Variants in NSMCE1 observed in about 807,000 individuals in gnomAD.
NSMCE1 encodes the protein NSE1 component of SMC5/6 complex, also known as non-structural maintenance of chromosomes element 1 homolog.
In NSMCE1, 18 loss-of-function variants were observed where a neutral mutation model predicts 29.6. The ratio of observed to expected loss-of-function variants is 0.61; its 90% confidence interval spans 0.42 to 0.90. NSMCE1 has a LOEUF of 0.90. Among genes scored for constraint, NSMCE1 ranks in the 40% least tolerant of loss-of-function variants. The pLI, the probability that NSMCE1 is intolerant of heterozygous loss-of-function variation, is 0.00. For missense variants in NSMCE1, 314 were observed against 343.6 expected (o/e 0.91, Z 0.68); for synonymous variants, 124 against 133.4 (o/e 0.93, Z 0.49).
intron 5 of NSMCE1, among the ~76,000 whole-genome samples, chr16:27,229,900 T>C (rs1346348379): frequency 1.3e-5 from 2 of 152,196 alleles, no homozygotes; most frequent in African/African-American, 4.8e-5. Context: ...ACTGAACACC[T>C]GCTATGTGCC....
chr16:27,225,692 AG>A (rs1204330230), intron 7 of NSMCE1, 33 bp downstream of exon 7: 1 of 1,612,612 alleles, frequency 6.2e-7, no homozygotes. Flanking sequence ...CTGCTGGCCC[AG>A]CCCCTCCCAT....
At chr16:27,266,937 G>A (rs1386326660) in intron 1 of NSMCE1, among the ~76,000 whole-genome samples, 1 of 151,886 alleles carries the variant, frequency 6.6e-6, no homozygotes, top group South Asian at 2.1e-4. Flanking sequence ...AAGAAAAAAG[G>A]AGAAAAAAAA....
chr16:27,240,614 A>G (rs1306998417), intron 2 of NSMCE1, among the ~76,000 whole-genome samples: 1 of 152,198 alleles, frequency 6.6e-6, no homozygotes, highest in Non-Finnish European at 1.5e-5. Context: ...TTCCTTTAAC[A>G]GGAAATGCCC....
rs2083776712 is a variant in NSMCE1 at position 27,232,876 on chromosome 16, A to G, written c.483+125T>C. On this transcript the variant is annotated intron_variant, in intron 5 of 7. Transcript: ENST00000361439. The surrounding 1 kb of genome is among the most constrained non-coding windows in gnomAD (Gnocchi z 4.5). Reference sequence around the variant, plus strand: ...CGGGGTCACTGCTGGAATGCATGAAAGCAGATAAGGGATCCGAGAAGGCCG... The same window carrying G: ...CGGGGTCACTGCTGGAATGCATGAAGGCAGATAAGGGATCCGAGAAGGCCG... 1.0e-6 allele frequency: 1 copy of G among 960,414 alleles called. No homozygotes were observed. The highest frequency in any genetic ancestry group is 1.6e-5 in the South Asian group (1 of 63,154). The allele number at this position is 960,414 out of a possible 1,614,324, so 59.5% of individuals were successfully genotyped here.
At chr16:27,263,948 A>ATG (rs898810161) in intron 1 of NSMCE1, among the ~76,000 whole-genome samples, 3 of 152,166 alleles carry the variant, frequency 2.0e-5, no homozygotes, top group African/African-American at 7.2e-5. Flanking sequence ...GGCTTTGTGT[A>ATG]TGTGTGTGTG....
chr16:27,239,468 C>T (rs994582424), intron 2 of NSMCE1, among the ~76,000 whole-genome samples: 5 of 152,142 alleles, frequency 3.3e-5, no homozygotes, highest in African/African-American at 9.7e-5. Flanking sequence ...GAATAAAGTC[C>T]GTATGGTGAG....
At chr16:27,265,406 G>A (rs4523932) in intron 1 of NSMCE1, among the ~76,000 whole-genome samples, 9,605 of 151,938 alleles carry the variant, frequency 0.063, 755 homozygotes, top group African/African-American at 0.19. Flanking sequence ...GGACTCAAGC[G>A]ATCCACCCAC....
Position 27,226,756 on chromosome 16 carries a change from C to T in NSMCE1, c.564G>A (p.Val188=). ...QYIRETYPDA[V]KICNICHSLL... Reference sequence around the variant, plus strand: ...GGCTGTGACAGATATTGCAGATCTTCACCGCGTCGGGGTACGTCTCCCGGA... The same window carrying T: ...GGCTGTGACAGATATTGCAGATCTTTACCGCGTCGGGGTACGTCTCCCGGA... Residue 188 remains valine, a synonymous_variant, in exon 6 of 8, where the codon GTG becomes GTA. Transcript: ENST00000361439. 1 of 1,613,890 alleles carries T rather than the reference C, an allele frequency of 6.2e-7. No individual in the cohort carries two copies. Among genetic ancestry groups the T allele is most frequent in the Non-Finnish European group, 8.5e-7 (1 of 1,179,766 alleles).
chr16:27,237,464 T>TC (rs2140993872), intron 2 of NSMCE1, among the ~76,000 whole-genome samples: 1 of 152,312 alleles, frequency 6.6e-6, no homozygotes, highest in Non-Finnish European at 1.5e-5. Context: ...GCCGAGCTGT[T>TC]CCGTACCTGC....
intron 5 of NSMCE1, among the ~76,000 whole-genome samples, chr16:27,228,891 C>T (rs1231877114): frequency 6.6e-6 from 1 of 151,582 alleles, no homozygotes; most frequent in Admixed American, 6.6e-5. Context: ...CTTCCACCCT[C>T]CCCTACAGAT....
At position 27,251,191 on chromosome 16, in the gene NSMCE1, A is replaced by ATAT. The variant is rs1555477411; in HGVS notation, c.136+6243_136+6244insATA. ...ATATATATATATATATATATATATA[A>ATAT]ATATATATATATATATAAAACTCTG... On this transcript the variant is annotated intron_variant, in intron 2 of 7. Coordinates refer to ENST00000361439, the MANE Select transcript of NSMCE1 (RefSeq NM_145080.4). Among the ~76,000 whole-genome samples, 280 of 32,216 alleles carry ATAT rather than the reference A, an allele frequency of 8.7e-3. 9 individuals are homozygous for ATAT. The highest frequency in any genetic ancestry group is 0.031 in the African/African-American group (198 of 6,350). The allele number at this position is 32,216 out of a possible 152,430, so 21.1% of individuals were successfully genotyped here.
chr16:27,257,529 G>A lies in NSMCE1; in HGVS notation c.42C>T (p.Val14=), dbSNP rs1310779708. 6.2e-7 allele frequency: 1 copy of A among 1,613,972 alleles called. No homozygotes were observed. The highest frequency in any genetic ancestry group is 8.5e-7 in the Non-Finnish European group (1 of 1,179,930). The change falls in exon 2 of 8, where the codon GTC becomes GTT. Residue 14 remains valine (V), a synonymous_variant. Transcript: ENST00000361439. ...STRRMGVMTD[V]HRRFLQLLMT... is the part of the protein sequence containing the mutation. ...TCAGCAACTGGAGGAAGCGCCGGTG[G>A]ACATCAGTCATGACGCCCATTCTCC...
chr16:27,258,028 C>T (rs2084106911), intron 1 of NSMCE1: 1 of 152,534 alleles, frequency 6.6e-6, no homozygotes, highest in Admixed American at 6.5e-5. Flanking sequence ...CTTGGCTGAG[C>T]CTTTTTACCA....
chr16:27,260,860 A>G (rs74575790), intron 1 of NSMCE1, among the ~76,000 whole-genome samples: 1 of 129,324 alleles, frequency 7.7e-6, no homozygotes, highest in Non-Finnish European at 1.6e-5. Context: ...CCCTGTCTCA[A>G]AAAAAAAAAA....
rs1567273498 is a variant in NSMCE1, at chr16:27,232,976, G to C, written c.483+25C>G. The C allele has an allele frequency of 6.2e-7, 1 of 1,606,416 alleles. No individual in the cohort carries two copies. Among genetic ancestry groups the C allele is most frequent in the East Asian group, 2.2e-5 (1 of 44,848 alleles). On this transcript the variant is annotated intron_variant, in intron 5 of 7. Coordinates refer to ENST00000361439, the MANE Select transcript of NSMCE1 (RefSeq NM_145080.4). This position sits in a 1 kb window ranked among gnomAD's most constrained non-coding sequence, Gnocchi z 4.5. Reference sequence around the variant, plus strand: ...GTTATTCACTTGAAAAAGTGAACCAGGCTGGAAAAACCATGAGACAGTACC... The same window carrying C: ...GTTATTCACTTGAAAAAGTGAACCACGCTGGAAAAACCATGAGACAGTACC...
intron 2 of NSMCE1, among the ~76,000 whole-genome samples, chr16:27,253,664 TGTCTGTATG>T (rs1322637843): frequency 6.6e-6 from 1 of 152,190 alleles, no homozygotes; most frequent in Non-Finnish European, 1.5e-5. Flanking sequence ...TCTGACCCCT[TGTCTGTATG>T]ACTCATGAGA....
chr16:27,231,748 G>A lies in NSMCE1; in HGVS notation c.483+1253C>T, dbSNP rs186452675. ...CCTAGTGCCAAATACAGCCTGGAGG[G>A]CAAGAACAACTGTGACAAAGCCATT... is the stretch of plus-strand genomic sequence containing the variant. On this transcript the variant is annotated intron_variant, in intron 5 of 7. Transcript: ENST00000361439. Among the ~76,000 whole-genome samples the A allele has an allele frequency of 3.8e-3, 578 of 152,302 alleles. 5 individuals carry two copies. Among genetic ancestry groups the A allele is most frequent in the Middle Eastern group, 0.017 (5 of 292 alleles).
intron 2 of NSMCE1, among the ~76,000 whole-genome samples, chr16:27,245,111 T>C (rs1163435323): frequency 6.6e-6 from 1 of 152,160 alleles, no homozygotes; most frequent in East Asian, 1.9e-4. Context: ...GTGGTGAGCA[T>C]GAAGTGAACG....
At chr16:27,256,661 T>C (rs1040148692) in intron 2 of NSMCE1, among the ~76,000 whole-genome samples, 13 of 152,196 alleles carry the variant, frequency 8.5e-5, no homozygotes, top group Non-Finnish European at 1.6e-4. Flanking sequence ...TCAACACTGA[T>C]CCTACTGTTT....
Sources: allele counts gnomAD v4.1 joint callset (sites outside exome capture counted in the v4.1 genomes callset), GRCh38; gene constraint gnomAD v4.1.1; non-coding constraint Gnocchi (gnomAD v3.1); transcripts MANE v1.5; gene names NCBI Gene and HGNC (gene_info 2026-07-23, HGNC 2026-07-21).